Variants in RBPJ observed in about 807,000 individuals in gnomAD.
RBPJ encodes recombination signal binding protein for immunoglobulin kappa J region.
Under a neutral mutation model 67.8 loss-of-function variants are expected in RBPJ, and 9 were observed. That is an observed-to-expected ratio of 0.13 (90% CI 0.08 to 0.23). The LOEUF is 0.23. Among genes scored for constraint, RBPJ ranks in the 10% least tolerant of loss-of-function variants. The pLI is 1.00. For synonymous variants in RBPJ, 198 were observed against 203.3 expected (o/e 0.97, Z 0.22); for missense variants, 305 against 595.6 (o/e 0.51, Z 5.08).
chr4:26,388,635 A>C (rs1731171208), intron 2 of RBPJ, among the ~76,000 whole-genome samples: 1 of 152,074 alleles, frequency 6.6e-6, no homozygotes, highest in Admixed American at 6.6e-5. Context: ...CTCAAATTAA[A>C]TCTCTAAAGA....
intron 1 of RBPJ, among the ~76,000 whole-genome samples, chr4:26,185,180 A>G (rs544536137): frequency 1.6e-5 from 2 of 122,056 alleles, no homozygotes; most frequent in African/African-American, 6.8e-5. Context: ...GTTGTTTTGC[A>G]TCAAGGAGGG....
At chr4:26,105,906 C>G in the RBPJ span, among the ~76,000 whole-genome samples, 20 of 152,216 alleles carry the variant, frequency 1.3e-4, no homozygotes, top group Non-Finnish European at 2.4e-4. Flanking sequence ...GTGTGGACTG[C>G]AAGCAAATCT....
chr4:26,313,218 G>A (rs576340385), intron 1 of RBPJ, among the ~76,000 whole-genome samples: 22 of 152,210 alleles, frequency 1.4e-4, no homozygotes, highest in East Asian at 5.8e-4. Flanking sequence ...CCACCAAGCC[G>A]GAACCATAAC....
At chr4:26,294,919 A>G (rs2109292582) in intron 1 of RBPJ, among the ~76,000 whole-genome samples, 1 of 152,194 alleles carries the variant, frequency 6.6e-6, no homozygotes, top group Non-Finnish European at 1.5e-5. Flanking sequence ...GTTTAACAAT[A>G]GGACTAACAA....
rs1717242298 is a variant in RBPJ, at chr4:26,186,057, CAAAAA to C, written c.-167+22444_-167+22448del. The stretch of plus-strand genomic sequence containing the variant: ...GTGAAATTCTGTCTCAAGAAAAAAA[CAAAAA>C]GAAAAAGAAAGAAAGAAACAGGAAT... On this transcript the variant is annotated intron_variant, in intron 1 of 4. Transcript: ENST00000512351. Among the ~76,000 whole-genome samples, 11 of 151,698 alleles carry C rather than the reference CAAAAA, an allele frequency of 7.3e-5. No individual in the cohort carries two copies. The South Asian group carries it at 2.3e-3, about 32-fold the overall frequency.
At chr4:26,375,499 G>A (rs1309738981) in intron 1 of RBPJ, among the ~76,000 whole-genome samples, 1 of 152,074 alleles carries the variant, frequency 6.6e-6, no homozygotes, top group Admixed American at 6.6e-5. Context: ...AATAGTGAAA[G>A]GGAAAAGGAA....
chr4:26,312,211 A>G (rs1195123658), intron 1 of RBPJ, among the ~76,000 whole-genome samples: 2 of 151,744 alleles, frequency 1.3e-5, no homozygotes, highest in Non-Finnish European at 2.9e-5. Flanking sequence ...AGCTCACTGC[A>G]AGCTCTGCCT....
the RBPJ span, among the ~76,000 whole-genome samples, chr4:26,156,554 G>A: frequency 6.6e-6 from 1 of 151,530 alleles, no homozygotes; most frequent in Non-Finnish European, 1.5e-5. Flanking sequence ...GAGTAGCTGG[G>A]ATCACAGGTG....
chr4:26,171,955 G>C (rs150686153), intron 1 of RBPJ, among the ~76,000 whole-genome samples: 1 of 152,298 alleles, frequency 6.6e-6, no homozygotes, highest in Non-Finnish European at 1.5e-5. Context: ...TAGGTCTCTG[G>C]ATCCGGTAAG....
chr4:26,396,120 A>G (rs1291692617), intron 2 of RBPJ, among the ~76,000 whole-genome samples: 1 of 152,234 alleles, frequency 6.6e-6, no homozygotes, highest in African/African-American at 2.4e-5. Context: ...TTGTTTCATC[A>G]TAAGACACCT....
At chr4:26,136,600 C>T in the RBPJ span, among the ~76,000 whole-genome samples, 1 of 152,234 alleles carries the variant, frequency 6.6e-6, no homozygotes, top group African/African-American at 2.4e-5. Context: ...TGGCAGCATC[C>T]TGGCAGTGGT....
intron 1 of RBPJ, among the ~76,000 whole-genome samples, chr4:26,340,382 T>C (rs1450169132): frequency 6.6e-6 from 1 of 152,162 alleles, no homozygotes; most frequent in Non-Finnish European, 1.5e-5. Context: ...GATAAAACGG[T>C]GGTCCAAAAT....
At chr4:26,248,984 A>T (rs1338636779) in intron 1 of RBPJ, among the ~76,000 whole-genome samples, 1 of 152,244 alleles carries the variant, frequency 6.6e-6, no homozygotes, top group East Asian at 1.9e-4. Flanking sequence ...CTTGATAATC[A>T]ACTCCTAGAG....
At position 26,274,129 on chromosome 4, in the gene RBPJ, A is replaced by G. The variant is rs186531916; in HGVS notation, c.-166-88317A>G. Among the ~76,000 whole-genome samples, 6 of 152,148 alleles carry G rather than the reference A, an allele frequency of 3.9e-5. No homozygotes were observed. In the East Asian group the frequency reaches 9.7e-4, roughly 24 times the overall value. Reference sequence around the variant, plus strand: ...TCTCACCTCCTAAAATACTTTGTACATGTGTTATATTTTACTGCTTCATTT... The same window carrying G: ...TCTCACCTCCTAAAATACTTTGTACGTGTGTTATATTTTACTGCTTCATTT... On this transcript the variant is annotated intron_variant, in intron 1 of 4. Transcript: ENST00000512351.
chr4:26,231,022 G>T (rs887108837), intron 1 of RBPJ, among the ~76,000 whole-genome samples: 1 of 152,136 alleles, frequency 6.6e-6, no homozygotes, highest in East Asian at 1.9e-4. Flanking sequence ...GCATAAGCAG[G>T]CTCTATAAAC....
intron 1 of RBPJ, among the ~76,000 whole-genome samples, chr4:26,294,859 C>T (rs1577398528): frequency 6.7e-6 from 1 of 148,498 alleles, no homozygotes; most frequent in Non-Finnish European, 1.5e-5. Flanking sequence ...CTGGGAGACA[C>T]AGCAAGACTC....
At chr4:26,308,557 A>G (rs536144263) in intron 1 of RBPJ, among the ~76,000 whole-genome samples, 3 of 152,368 alleles carry the variant, frequency 2.0e-5, no homozygotes, top group Admixed American at 6.5e-5. Flanking sequence ...ATTGAAAGAG[A>G]CAATGTACAA....
chr4:26,338,975 A>G (rs751163397), intron 1 of RBPJ, among the ~76,000 whole-genome samples: 25 of 150,940 alleles, frequency 1.7e-4, no homozygotes, highest in Non-Finnish European at 3.2e-4. Flanking sequence ...GTGCGCCACC[A>G]TGCCTGGCTA....
At chr4:26,272,192 T>C (rs1042804729) in intron 1 of RBPJ, among the ~76,000 whole-genome samples, 2 of 152,130 alleles carry the variant, frequency 1.3e-5, no homozygotes, top group African/African-American at 2.4e-5. Flanking sequence ...CCTAGATATA[T>C]GCAGGAAAGA....
Sources: allele counts gnomAD v4.1 joint callset (sites outside exome capture counted in the v4.1 genomes callset), GRCh38; gene constraint gnomAD v4.1.1; transcripts MANE v1.5; gene names NCBI Gene and HGNC (gene_info 2026-07-23, HGNC 2026-07-21).